ZNF254: variants seen among roughly 807,000 people sequenced by gnomAD.
ZNF254 encodes zinc finger protein 254.
In ZNF254, 10 loss-of-function variants were observed where a neutral mutation model predicts 12.4. The ratio of observed to expected loss-of-function variants is 0.80; its 90% CI spans 0.50 to 1.36. The LOEUF (loss-of-function observed/expected upper bound fraction) is 1.36, where lower values mean the gene tolerates loss of function less well. ZNF254 is among the 40% of genes most tolerant of loss of function. The pLI, the probability that ZNF254 is intolerant of heterozygous loss-of-function variation, is 0.00. For missense variants in ZNF254, 996 were observed against 763.9 expected (o/e 1.30, Z -3.58); for synonymous variants, 305 against 253.4 (o/e 1.20, Z -1.93).
At chr19:24,109,020 C>T (rs1188186249) in intron 3 of ZNF254, among the ~76,000 whole-genome samples, 9 of 152,218 alleles carry the variant, frequency 5.9e-5, no homozygotes, top group Admixed American at 3.9e-4. Context: ...CCGGGCATGG[C>T]GGCACGCGCC....
chr19:24,090,827 C>T (rs150361242), intron 1 of ZNF254, among the ~76,000 whole-genome samples: 251 of 151,702 alleles, frequency 1.7e-3, no homozygotes, highest in African/African-American at 5.2e-3. Flanking sequence ...AGGTGAGTTT[C>T]AAAAACATTA....
Position 24,126,292 on chromosome 19 carries a change from C to G in ZNF254, c.292C>G (p.Gln98Glu). The G allele has an allele frequency of 6.4e-7, 1 of 1,551,830 alleles. No individual in the cohort carries two copies. Among genetic ancestry groups the G allele is most frequent in the Non-Finnish European group, 8.7e-7 (1 of 1,153,112 alleles). Reference sequence around the variant, plus strand: ...TTTTGCTCAAGACCTTTGGCCAGAGCAGGGCATGGAAGATTCTTTTCAAAA... The same window carrying G: ...TTTTGCTCAAGACCTTTGGCCAGAGGAGGGCATGGAAGATTCTTTTCAAAA... Reference protein sequence around the residue: ...PHFAQDLWPEQGMEDSFQKAI... With the variant: ...PHFAQDLWPEEGMEDSFQKAI... The change falls in exon 4 of 4, where the codon CAG (glutamine) becomes GAG (glutamate). Residue 98 changes from glutamine to glutamate, a missense_variant. Physicochemically the swap from Gln to Glu is conservative, Grantham distance 29. Coordinates refer to ENST00000357002, the MANE Select transcript of ZNF254 (RefSeq NM_203282.4).
intron 3 of ZNF254, among the ~76,000 whole-genome samples, chr19:24,116,916 A>C (rs949682031): frequency 2.6e-5 from 4 of 152,160 alleles, no homozygotes; most frequent in African/African-American, 9.6e-5. Flanking sequence ...TCTAACAGAC[A>C]GGACCCTCAG....
chr19:24,060,274 G>T (rs958834327), intron 2 of ZNF254, among the ~76,000 whole-genome samples: 1 of 152,192 alleles, frequency 6.6e-6, no homozygotes, highest in African/African-American at 2.4e-5. Context: ...TTCACTAGGG[G>T]ATAATGATAT....
At chr19:24,087,426 C>T in intron 1 of ZNF254, 89 bp downstream of exon 1, 1 of 1,532,272 alleles carries the variant, frequency 6.5e-7, no homozygotes, top group Non-Finnish European at 9.0e-7. Context: ...AGGCCTCCCC[C>T]CAGTCAGCTC....
intron 1 of ZNF254, among the ~76,000 whole-genome samples, chr19:24,044,097 G>A (rs977962118): frequency 2.0e-5 from 3 of 151,902 alleles, no homozygotes; most frequent in Non-Finnish European, 4.4e-5. Flanking sequence ...AAACTTAGCT[G>A]GGCGTGCTGG....
intron 2 of ZNF254, among the ~76,000 whole-genome samples, chr19:24,061,342 T>C (rs990197745): frequency 6.6e-6 from 1 of 152,182 alleles, no homozygotes; most frequent in Non-Finnish European, 1.5e-5. Flanking sequence ...ACCACATATT[T>C]TGGTTATTGT....
chr19:24,056,684 C>T lies in ZNF254; in HGVS notation c.-94+10405C>T, dbSNP rs150931361. Among the ~76,000 whole-genome samples, 414 of 152,272 alleles carry T rather than the reference C, an allele frequency of 2.7e-3. 2 individuals carry two copies. Among genetic ancestry groups the T allele is most frequent in the African/African-American group, 9.1e-3 (377 of 41,546 alleles). ...GTTTCCCCACAATGAGAGATTGTGA[C>T]GTATCTTCTGACCCAGAAATCAGGT... is the stretch of plus-strand genomic sequence containing the variant. On this transcript the variant is annotated intron_variant, in intron 2 of 4. Transcript: ENST00000613065.
chr19:24,069,698 A>C (rs559506459), intron 2 of ZNF254, among the ~76,000 whole-genome samples: 1 of 151,918 alleles, frequency 6.6e-6, no homozygotes, highest in South Asian at 2.1e-4. Flanking sequence ...CACGCCTGTA[A>C]TCTCAGCACT....
intron 1 of ZNF254, among the ~76,000 whole-genome samples, chr19:24,037,089 C>A (rs62117638): frequency 0.16 from 24,299 of 152,224 alleles, 2,111 homozygotes; most frequent in Middle Eastern, 0.23. Context: ...TGCATGGACA[C>A]AGGAATATGT....
At chr19:24,109,460 G>A (rs905133821) in intron 3 of ZNF254, among the ~76,000 whole-genome samples, 3 of 151,966 alleles carry the variant, frequency 2.0e-5, no homozygotes, top group Non-Finnish European at 4.4e-5. Context: ...TGTTTTTTAA[G>A]TGCAGGTTTC....
chr19:24,038,319 G>A (rs930159482), intron 1 of ZNF254, among the ~76,000 whole-genome samples: 2 of 152,114 alleles, frequency 1.3e-5, no homozygotes, highest in Non-Finnish European at 2.9e-5. Flanking sequence ...TAGCCAATTA[G>A]CAACCAAAGA....
intron 2 of ZNF254, among the ~76,000 whole-genome samples, chr19:24,076,131 G>A (rs781447585): frequency 2.0e-5 from 3 of 152,130 alleles, no homozygotes; most frequent in South Asian, 4.1e-4. Flanking sequence ...GGTGACATAC[G>A]TCCTCAGTTT....
chr19:24,120,764 G>A (rs1372564425), intron 3 of ZNF254, among the ~76,000 whole-genome samples: 5 of 151,970 alleles, frequency 3.3e-5, no homozygotes, highest in African/African-American at 9.7e-5. Flanking sequence ...CCGGGTTCAC[G>A]CCATTTTCCT....
rs574560511 is a variant in ZNF254 at position 24,129,707 on chromosome 19, A to G, written c.*1727A>G. 9.9e-5 allele frequency: 15 copies of G among 152,140 alleles called. No homozygotes were observed. The highest frequency in any genetic ancestry group is 3.1e-4 in the African/African-American group (13 of 41,558). The allele number at this position is 152,140 out of a possible 1,614,324, so 9.4% of individuals were successfully genotyped here. On this transcript the variant is annotated 3_prime_UTR_variant, in exon 4 of 4. Transcript: ENST00000357002. ...AGCATTTATTCTTTTTATTACAAGCAATTCAATTGTACACTTTTAGTTATT... is the reference window on the plus strand; with the variant it reads ...AGCATTTATTCTTTTTATTACAAGCGATTCAATTGTACACTTTTAGTTATT...
In ZNF254 at chr19:24,127,973, A is replaced by T; in HGVS notation, c.1973A>T (p.Gln658Leu). The change falls in exon 4 of 4, where the codon CAA (glutamine) becomes CTA (leucine). Residue 658 changes from glutamine (Q) to leucine (L), a missense_variant. Gln to Leu is a moderately radical substitution (Grantham distance 113, BLOSUM62 -2). Transcript: ENST00000357002. ...ATAACTCATTGGAGAGAAATCTTAC[A>T]AGTATGAATAATGTGCCAAAGCCTA... is the stretch of plus-strand genomic sequence containing the variant. ...DKITHWREIL[Q>L]V The T allele has an allele frequency of 6.5e-7, 1 of 1,546,746 alleles. No individual in the cohort carries two copies. Among genetic ancestry groups the T allele is most frequent in the Non-Finnish European group, 8.7e-7 (1 of 1,152,654 alleles).
intron 1 of ZNF254, among the ~76,000 whole-genome samples, chr19:24,091,549 A>G (rs1197126843): frequency 6.6e-6 from 1 of 151,772 alleles, no homozygotes; most frequent in African/African-American, 2.4e-5. Flanking sequence ...CTGGAGTGCA[A>G]TGGTGCAATC....
At chr19:24,114,479 A>G (rs1340882965) in intron 3 of ZNF254, among the ~76,000 whole-genome samples, 1 of 129,716 alleles carries the variant, frequency 7.7e-6, no homozygotes, top group East Asian at 2.1e-4. Flanking sequence ...AGCCGTATGT[A>G]GAAAGCTGAA....
intron 3 of ZNF254, among the ~76,000 whole-genome samples, chr19:24,119,237 G>A (rs1974316560): frequency 6.6e-6 from 1 of 151,654 alleles, no homozygotes. Context: ...TGTCACCCAG[G>A]CCAGAGTGCA....
Sources: allele counts gnomAD v4.1 joint callset (sites outside exome capture counted in the v4.1 genomes callset), GRCh38; gene constraint gnomAD v4.1.1; transcripts MANE v1.5; gene names NCBI Gene and HGNC (gene_info 2026-07-23, HGNC 2026-07-21).